TBL1X: variants seen among roughly 807,000 people sequenced by gnomAD.
TBL1X encodes the protein F-box-like/WD repeat-containing protein TBL1X.
TBL1X carries 10 observed loss-of-function variants against 50.7 expected under a neutral mutation model. The observed-to-expected ratio is 0.20, with a 90% CI of 0.12 to 0.33. The LOEUF is 0.33. TBL1X is among the 10% of genes least tolerant of loss of function. TBL1X has a pLI of 1.00. For missense variants in TBL1X, 340 were observed against 504.4 expected (o/e 0.67, Z 3.12); for synonymous variants, 190 against 214.7 (o/e 0.88, Z 1.01).
In TBL1X at chrX:9,533,344, A is replaced by C. The variant is rs377659579; in HGVS notation, c.-131+31495A>C. 6.3e-5 allele frequency among the ~76,000 whole-genome samples: 7 copies of C among 111,354 alleles called. No homozygotes were observed. The East Asian group carries it at 2.0e-3, about 32-fold the overall frequency. ...TCTCTACTCTCCAATTTCATCATAC[A>C]TTCTCTTCCTTCCTCCCCCTCCCCA... is the stretch of plus-strand genomic sequence containing the variant. On this transcript the variant is annotated intron_variant, in intron 2 of 17. Transcript: ENST00000645353.
In TBL1X at chrX:9,568,740, GT is replaced by G. The variant is rs1160002719; in HGVS notation, c.-131+66893del. On this transcript the variant is annotated intron_variant, in intron 2 of 17. Transcript: ENST00000645353. ...TGCAGTGTGCTGTGTGTGTGTCTGT[GT>G]TGTGTGCTGTTTGTGTTGTCTCTAT... 2.8e-5 allele frequency among the ~76,000 whole-genome samples: 3 copies of G among 105,513 alleles called. No individual in the cohort carries two copies. In the East Asian group the frequency reaches 9.2e-4, roughly 32 times the overall value. 91.6% of individuals were successfully genotyped at this position (105,513 alleles called of 115,157 possible). A position where few individuals can be genotyped will look rare whatever the true frequency, so the allele number is the denominator to read the frequency against.
chrX:9,698,305 GCTCCCTGAAACCA>G lies in TBL1X; in HGVS notation c.1114+882_1114+894del, dbSNP rs1481050691. ...GTTCTAAAGGGATGCTGTTTTGGGG[GCTCCCTGAAACCA>G]CTCCCAGGATTGGTGGTTTGCTGCG... On this transcript the variant is annotated intron_variant, in intron 12 of 17. Coordinates refer to ENST00000645353, the MANE Select transcript of TBL1X (RefSeq NM_005647.4). 6.3e-5 allele frequency among the ~76,000 whole-genome samples: 7 copies of G among 111,327 alleles called. No homozygotes were observed. In the East Asian group the frequency reaches 2.0e-3, roughly 32 times the overall value.
chrX:9,493,387 T>A (rs2081957009), intron 1 of TBL1X, among the ~76,000 whole-genome samples: 1 of 111,748 alleles, frequency 8.9e-6, no homozygotes, highest in African/African-American at 3.3e-5. Flanking sequence ...GATTTGTTGA[T>A]TCACTTGTTT....
At chrX:9,469,323 C>T (rs1198511793) in intron 1 of TBL1X, among the ~76,000 whole-genome samples, 5 of 111,364 alleles carry the variant, frequency 4.5e-5, no homozygotes, top group Non-Finnish European at 3.8e-5. Context: ...CCACCACACC[C>T]GGCTGATTTT....
intron 2 of TBL1X, among the ~76,000 whole-genome samples, chrX:9,574,503 C>T (rs1178895379): frequency 9.6e-6 from 1 of 104,490 alleles, no homozygotes; most frequent in Non-Finnish European, 2.0e-5. Flanking sequence ...TGCCTGGCCA[C>T]AGGAAGGTCT....
At chrX:9,577,917 G>A (rs2082420894) in intron 2 of TBL1X, among the ~76,000 whole-genome samples, 1 of 112,524 alleles carries the variant, frequency 8.9e-6, no homozygotes, top group Non-Finnish European at 1.9e-5. Context: ...TCAAGACGGT[G>A]ACACAGAAGC....
At position 9,616,105 on chromosome X, in the gene TBL1X, A is replaced by G. The variant is rs936239379; in HGVS notation, c.-130-24168A>G. Among the ~76,000 whole-genome samples, 32 of 111,941 alleles carry G rather than the reference A, an allele frequency of 2.9e-4. 1 individual carries two copies. Among genetic ancestry groups the G allele is most frequent in the African/African-American group, 1.0e-3 (31 of 30,801 alleles). On this transcript the variant is annotated intron_variant, in intron 2 of 17. Coordinates refer to ENST00000645353, the MANE Select transcript of TBL1X (RefSeq NM_005647.4). ...CACTTTGGGTATTATGATGCCAACAATGAGAACATATTAAATCACTTTGGT... is the reference window on the plus strand; with the variant it reads ...CACTTTGGGTATTATGATGCCAACAGTGAGAACATATTAAATCACTTTGGT...
At chrX:9,649,658 A>G (rs1962716582) in intron 3 of TBL1X, among the ~76,000 whole-genome samples, 2 of 112,131 alleles carry the variant, frequency 1.8e-5, no homozygotes, top group African/African-American at 6.5e-5. Flanking sequence ...TTATATTCTC[A>G]TTCTCCATAG....
intron 1 of TBL1X, among the ~76,000 whole-genome samples, chrX:9,495,050 G>C (rs1354433485): frequency 3.6e-5 from 4 of 111,572 alleles, no homozygotes; most frequent in Non-Finnish European, 7.5e-5. Flanking sequence ...TTGGGCCCTC[G>C]TGTGTGGGAT....
At chrX:9,466,356 G>A (rs1031394147) in intron 1 of TBL1X, among the ~76,000 whole-genome samples, 1 of 112,464 alleles carries the variant, frequency 8.9e-6, no homozygotes, top group Admixed American at 9.3e-5. Flanking sequence ...ATAGGGCCTG[G>A]ACTTCACGTG....
At chrX:9,464,050 A>G (rs977149064), upstream of TBL1X, among the ~76,000 whole-genome samples, 3 of 111,813 alleles carry the variant, frequency 2.7e-5, no homozygotes, top group African/African-American at 9.8e-5. Flanking sequence ...CTCATTATAT[A>G]GTAAAGGAAG....
At chrX:9,478,543 C>T (rs758416185) in intron 1 of TBL1X, among the ~76,000 whole-genome samples, 41 of 111,825 alleles carry the variant, frequency 3.7e-4, no homozygotes, top group African/African-American at 9.1e-4. Context: ...TTTTAGGCTA[C>T]GGTTTAAATG....
chrX:9,502,550 T>A (rs1370587985), intron 2 of TBL1X, among the ~76,000 whole-genome samples: 1 of 112,123 alleles, frequency 8.9e-6, no homozygotes, highest in African/African-American at 3.2e-5. Context: ...AAACATGGGG[T>A]ACTTACCAGC....
intron 2 of TBL1X, among the ~76,000 whole-genome samples, chrX:9,569,357 TGTGTGTGGTGTGCTGTGTGTGCAC>T (rs916239739): frequency 6.4e-5 from 7 of 108,929 alleles, no homozygotes; most frequent in African/African-American, 1.3e-4. Flanking sequence ...GCTGTGTGTG[TGTGTGTGGTGTGCTGTGTGTGCAC>T]GTGTGTGGTG....
At chrX:9,536,632 C>T (rs1360497554) in intron 2 of TBL1X, among the ~76,000 whole-genome samples, 1 of 111,437 alleles carries the variant, frequency 9.0e-6, no homozygotes, top group East Asian at 2.8e-4. Context: ...TTGTCTTGCA[C>T]AGGTAATAAT....
At chrX:9,580,990 C>T (rs981408055) in intron 2 of TBL1X, among the ~76,000 whole-genome samples, 4 of 111,722 alleles carry the variant, frequency 3.6e-5, no homozygotes, top group East Asian at 5.6e-4. Context: ...TGGCCTGGTC[C>T]GTCTTTCAGG....
chrX:9,556,209 A>C lies in TBL1X; in HGVS notation c.-131+54360A>C, dbSNP rs764826315. ...CTAAACAAAAAAAAAACAAAACAAA[A>C]CAAAAAAAACAGTACAAAGTGTTCA... On this transcript the variant is annotated intron_variant, in intron 2 of 17. Coordinates refer to ENST00000645353, the MANE Select transcript of TBL1X (RefSeq NM_005647.4). Among the ~76,000 whole-genome samples the C allele has an allele frequency of 2.6e-3, 268 of 101,816 alleles. 1 individual carries two copies. The highest frequency in any genetic ancestry group is 8.9e-3 in the African/African-American group (249 of 27,978). The allele number at this position is 101,816 out of a possible 115,157, so 88.4% of individuals were successfully genotyped here.
intron 2 of TBL1X, among the ~76,000 whole-genome samples, chrX:9,556,590 A>T (rs183108586): frequency 1.8e-5 from 2 of 109,536 alleles, no homozygotes; most frequent in Non-Finnish European, 3.8e-5. Context: ...GGAGGTCAAG[A>T]CTGCAGTGAG....
At chrX:9,637,645 C>A (rs772248079) in intron 2 of TBL1X, 1 of 111,888 alleles carries the variant, frequency 8.9e-6, no homozygotes, top group South Asian at 3.7e-4. Flanking sequence ...AGATCATCAC[C>A]CAGGGATTCT....
Sources: gnomAD v4.1 joint callset for allele counts (sites outside exome capture counted in the v4.1 genomes callset) on GRCh38, gnomAD v4.1.1 for gene constraint, MANE v1.5 for transcripts, NCBI Gene and HGNC (gene_info 2026-07-23, HGNC 2026-07-21) for gene names.